The following GPC6 variants were observed in gnomAD, a reference collection of about 807,000 sequenced individuals.
GPC6 encodes glypican-6.
GPC6 carries 14 observed loss-of-function variants against 55.2 expected under a neutral mutation model. The ratio of observed to expected loss-of-function variants is 0.25; its 90% CI spans 0.17 to 0.40. The LOEUF is 0.40. GPC6 is among the 10% of genes least tolerant of loss of function. GPC6 has a pLI of 1.00. For synonymous variants in GPC6, 278 were observed against 259.6 expected (o/e 1.07, Z -0.68); for missense variants, 641 against 708.5 (o/e 0.90, Z 1.08).
intron 6 of GPC6, among the ~76,000 whole-genome samples, chr13:94,363,844 C>T (rs929206999): frequency 1.3e-5 from 2 of 152,082 alleles, no homozygotes; most frequent in Non-Finnish European, 2.9e-5. Flanking sequence ...TGGAGATGTC[C>T]GGTGGAATGA....
At chr13:94,378,236 A>G (rs1354572752) in intron 6 of GPC6, among the ~76,000 whole-genome samples, 1 of 152,066 alleles carries the variant, frequency 6.6e-6, no homozygotes, top group Non-Finnish European at 1.5e-5. Flanking sequence ...TCATCACTGG[A>G]TGTGTCTGAT....
In GPC6 at chr13:93,341,111, T is replaced by A. The variant is rs114155576; in HGVS notation, c.160+113495T>A. Among the ~76,000 whole-genome samples the A allele has an allele frequency of 8.8e-3, 1,344 of 152,342 alleles. 24 individuals are homozygous for A. The highest frequency in any genetic ancestry group is 0.03 in the African/African-American group (1,241 of 41,572). ...CATTCGTTTTTATAGCTGAGCAGTA[T>A]TCCATGGTGTATATATAGCACATTT... On this transcript the variant is annotated intron_variant, in intron 1 of 8. Coordinates refer to ENST00000377047, the MANE Select transcript of GPC6 (RefSeq NM_005708.5).
At chr13:94,270,161 T>C (rs1451180158) in intron 4 of GPC6, among the ~76,000 whole-genome samples, 8 of 152,366 alleles carry the variant, frequency 5.3e-5, no homozygotes, top group Admixed American at 3.3e-4. Context: ...CCTAAGTGTA[T>C]GTTTGAATTT....
intron 1 of GPC6, among the ~76,000 whole-genome samples, chr13:93,401,718 G>C: frequency 7.2e-6 from 1 of 139,618 alleles, no homozygotes; most frequent in South Asian, 2.3e-4. Flanking sequence ...TTTTTAATGA[G>C]AGGCATCCAA....
intron 1 of GPC6, among the ~76,000 whole-genome samples, chr13:93,470,823 C>T (rs997229075): frequency 7.9e-5 from 12 of 151,668 alleles, no homozygotes; most frequent in South Asian, 4.2e-4. Context: ...TCTTTTAAAT[C>T]GGATGATAAA....
rs117370581 is a variant in GPC6 at position 93,989,369 on chromosome 13, T to G, written c.712-38360T>G. 4.6e-5 allele frequency among the ~76,000 whole-genome samples: 7 copies of G among 152,248 alleles called. No homozygotes were observed. In the East Asian group the frequency reaches 1.2e-3, roughly 25 times the overall value. ...AATCTGATACAGGGTTTGTGTTGAG[T>G]AATTGTTACATAATAAAAGGAGCAA... On this transcript the variant is annotated intron_variant, in intron 3 of 8. Transcript: ENST00000377047.
chr13:94,060,475 CTCTT>C (rs1195919025), intron 4 of GPC6, among the ~76,000 whole-genome samples: 2 of 152,176 alleles, frequency 1.3e-5, no homozygotes, highest in African/African-American at 4.8e-5. Flanking sequence ...TTCAAATACT[CTCTT>C]AATTGTTCAT....
At chr13:94,060,459 A>G (rs1299519917) in intron 4 of GPC6, among the ~76,000 whole-genome samples, 2 of 152,134 alleles carry the variant, frequency 1.3e-5, no homozygotes, top group Non-Finnish European at 2.9e-5. Flanking sequence ...GAATTCCTAA[A>G]TTAGTTTCAA....
At chr13:93,288,373 A>G (rs183040794) in intron 1 of GPC6, among the ~76,000 whole-genome samples, 20 of 152,324 alleles carry the variant, frequency 1.3e-4, no homozygotes, top group African/African-American at 4.6e-4. Context: ...CCAGAGGAGT[A>G]GTGAATAATG....
chr13:94,348,407 T>C (rs1392901619), intron 6 of GPC6, among the ~76,000 whole-genome samples: 1 of 152,206 alleles, frequency 6.6e-6, no homozygotes, highest in African/African-American at 2.4e-5. Flanking sequence ...CTTGTTCAAA[T>C]GTAGGTGCTA....
intron 6 of GPC6, among the ~76,000 whole-genome samples, chr13:94,319,222 A>G (rs552132683): frequency 5.3e-5 from 8 of 152,156 alleles, no homozygotes; most frequent in African/African-American, 1.9e-4. Context: ...GGAACCTAAT[A>G]CTGTAGTTTT....
chr13:93,744,491 A>G (rs1055738185), intron 2 of GPC6, among the ~76,000 whole-genome samples: 2 of 147,128 alleles, frequency 1.4e-5, no homozygotes, highest in Non-Finnish European at 3.0e-5. Flanking sequence ...GTTCACATCT[A>G]AACTCCTTGT....
intron 2 of GPC6, among the ~76,000 whole-genome samples, chr13:93,612,831 G>A (rs1273004904): frequency 1.3e-5 from 2 of 152,172 alleles, no homozygotes; most frequent in South Asian, 2.1e-4. Context: ...GTATTCGTAT[G>A]TGTGTCAATT....
At chr13:93,948,635 C>T (rs533217442) in intron 3 of GPC6, among the ~76,000 whole-genome samples, 2 of 152,128 alleles carry the variant, frequency 1.3e-5, no homozygotes, top group Admixed American at 6.5e-5. Flanking sequence ...AGATGCAAGA[C>T]GTGTTCCTTT....
intron 4 of GPC6, among the ~76,000 whole-genome samples, chr13:94,176,511 G>T (rs1189293942): frequency 6.6e-6 from 1 of 152,106 alleles, no homozygotes; most frequent in African/African-American, 2.4e-5. Context: ...TGCTAAGCAT[G>T]GAGGGAAACG....
At chr13:94,036,625 A>G (rs924660988) in intron 4 of GPC6, among the ~76,000 whole-genome samples, 3 of 152,018 alleles carry the variant, frequency 2.0e-5, no homozygotes, top group Non-Finnish European at 4.4e-5. Context: ...GGGTGAAATG[A>G]GTAAATCAGC....
chr13:93,858,498 G>A (rs1197433174), intron 3 of GPC6, among the ~76,000 whole-genome samples: 1 of 151,562 alleles, frequency 6.6e-6, no homozygotes, highest in East Asian at 1.9e-4. Flanking sequence ...ATGAGTGCAT[G>A]TAGGGAAGAG....
chr13:93,393,139 G>GAA (rs1875705918), intron 1 of GPC6, among the ~76,000 whole-genome samples: 1 of 146,956 alleles, frequency 6.8e-6, no homozygotes, highest in African/African-American at 2.5e-5. Flanking sequence ...GAGAGAGAGA[G>GAA]AGAGAGAGAG....
chr13:93,846,589 G>A (rs1028731685), intron 3 of GPC6, among the ~76,000 whole-genome samples: 14 of 152,150 alleles, frequency 9.2e-5, no homozygotes, highest in African/African-American at 1.2e-4. Flanking sequence ...GAGGCAGGTG[G>A]ATCACGTGAT....
Sources: gnomAD v4.1 joint callset for allele counts (sites outside exome capture counted in the v4.1 genomes callset) on GRCh38, gnomAD v4.1.1 for gene constraint, MANE v1.5 for transcripts, NCBI Gene and HGNC (gene_info 2026-07-23, HGNC 2026-07-21) for gene names.